The following LINGO2 variants were observed in gnomAD, a reference collection of about 807,000 sequenced individuals.
The protein encoded by LINGO2 is leucine rich repeat and Ig domain containing 2.
In LINGO2, 14 loss-of-function variants were observed where a neutral mutation model predicts 30.6. That is an observed-to-expected ratio of 0.46 (90% confidence interval 0.30 to 0.72). The LOEUF is 0.72. Among genes scored for constraint, LINGO2 ranks in the 30% least tolerant of loss-of-function variants. The pLI is 0.07. For synonymous variants in LINGO2, 317 were observed against 288.5 expected (o/e 1.10, Z -1.00); for missense variants, 729 against 751.7 (o/e 0.97, Z 0.35).
intron 4 of LINGO2, among the ~76,000 whole-genome samples, chr9:28,067,231 CTTAA>C (rs1452048707): frequency 2.0e-5 from 3 of 152,088 alleles, no homozygotes; most frequent in South Asian, 2.1e-4. Context: ...TCCTGTGAAT[CTTAA>C]TTAAGAAGAC....
chr9:28,376,890 G>A (rs746935468), intron 2 of LINGO2, among the ~76,000 whole-genome samples: 6 of 152,080 alleles, frequency 3.9e-5, no homozygotes, highest in Non-Finnish European at 8.8e-5. Context: ...CAAATTTTCA[G>A]AACATTTTTG....
At chr9:28,514,566 G>A (rs1011722237) in intron 1 of LINGO2, among the ~76,000 whole-genome samples, 1 of 152,188 alleles carries the variant, frequency 6.6e-6, no homozygotes, top group South Asian at 2.1e-4. Context: ...CTAATCTAGA[G>A]CAAGGCCCTA....
chr9:28,013,434 A>G (rs560165077), intron 4 of LINGO2, among the ~76,000 whole-genome samples: 7 of 152,310 alleles, frequency 4.6e-5, no homozygotes, highest in Non-Finnish European at 1.0e-4. Context: ...TTGATGTTAA[A>G]CTAGTGTGGT....
At chr9:28,228,930 A>T (rs1386935820) in intron 4 of LINGO2, among the ~76,000 whole-genome samples, 1 of 151,864 alleles carries the variant, frequency 6.6e-6, no homozygotes, top group Non-Finnish European at 1.5e-5. Flanking sequence ...ATAGAAATTA[A>T]AATTTTTCTT....
the LINGO2 span, among the ~76,000 whole-genome samples, chr9:28,821,184 C>T: frequency 6.6e-6 from 1 of 152,186 alleles, no homozygotes; most frequent in South Asian, 2.1e-4. Flanking sequence ...GAGCATCACA[C>T]AGGGTGCACT....
chr9:28,836,318 C>T, the LINGO2 span, among the ~76,000 whole-genome samples: 4 of 151,456 alleles, frequency 2.6e-5, no homozygotes, highest in African/African-American at 9.7e-5. Context: ...ATTATCCTAA[C>T]TATATATATA....
chr9:29,032,688 T>C, the LINGO2 span, among the ~76,000 whole-genome samples: 1 of 152,126 alleles, frequency 6.6e-6, no homozygotes, highest in Non-Finnish European at 1.5e-5. Context: ...TGCCAAAGCC[T>C]GTAGACCAAA....
chr9:28,466,540 A>C (rs1320041766), intron 2 of LINGO2, among the ~76,000 whole-genome samples: 2 of 152,210 alleles, frequency 1.3e-5, no homozygotes, highest in Non-Finnish European at 2.9e-5. Context: ...ATAGCACATC[A>C]GTGTCACTAT....
intron 4 of LINGO2, among the ~76,000 whole-genome samples, chr9:28,290,991 C>A (rs1396847011): frequency 6.6e-6 from 1 of 152,118 alleles, no homozygotes; most frequent in Non-Finnish European, 1.5e-5. Flanking sequence ...GCTCCCTTGC[C>A]TCTTGTGAGG....
At chr9:28,328,332 AGTCCAATGT>A (rs1825302514) in intron 3 of LINGO2, among the ~76,000 whole-genome samples, 2 of 152,228 alleles carry the variant, frequency 1.3e-5, no homozygotes, top group South Asian at 4.1e-4. Flanking sequence ...CATTATGGAA[AGTCCAATGT>A]GTTGTGATAA....
the LINGO2 span, among the ~76,000 whole-genome samples, chr9:28,816,245 T>G: frequency 6.6e-6 from 1 of 152,146 alleles, no homozygotes; most frequent in Non-Finnish European, 1.5e-5. Flanking sequence ...CACATGAACT[T>G]TGGGGGACAC....
the LINGO2 span, among the ~76,000 whole-genome samples, chr9:28,832,515 C>G: frequency 6.6e-6 from 1 of 152,164 alleles, no homozygotes; most frequent in East Asian, 1.9e-4. Context: ...TCTCCAGAAC[C>G]ACAGAACTTC....
At chr9:29,189,768 G>C in the LINGO2 span, among the ~76,000 whole-genome samples, 1 of 152,118 alleles carries the variant, frequency 6.6e-6, no homozygotes, top group Non-Finnish European at 1.5e-5. Context: ...CCGGCACCTC[G>C]GGAGGCCGAG....
the LINGO2 span, among the ~76,000 whole-genome samples, chr9:28,847,994 T>G: frequency 9.3e-6 from 1 of 107,544 alleles, no homozygotes; most frequent in South Asian, 2.8e-4. Flanking sequence ...TATATGTATA[T>G]GTACATATAT....
intron 1 of LINGO2, among the ~76,000 whole-genome samples, chr9:28,635,800 A>G (rs1414671327): frequency 6.6e-6 from 1 of 152,114 alleles, no homozygotes; most frequent in African/African-American, 2.4e-5. Flanking sequence ...TTTAAAAAAG[A>G]GTTCAGAGGT....
chr9:28,441,250 G>GTTT (rs1824181103), intron 2 of LINGO2, among the ~76,000 whole-genome samples: 1 of 50,636 alleles, frequency 2.0e-5, no homozygotes, highest in Non-Finnish European at 3.6e-5. Flanking sequence ...TTCATTGGAG[G>GTTT]CTTTTTTTTT....
intron 1 of LINGO2, among the ~76,000 whole-genome samples, chr9:28,508,560 C>CT (rs981483537): frequency 6.6e-6 from 1 of 151,736 alleles, no homozygotes. Flanking sequence ...GATTTTCCTA[C>CT]TTTTTTCACT....
At chr9:28,706,052 A>C in the LINGO2 span, among the ~76,000 whole-genome samples, 1 of 152,112 alleles carries the variant, frequency 6.6e-6, no homozygotes, top group African/African-American at 2.4e-5. Flanking sequence ...AATAATTTCT[A>C]AACTGAGGGC....
intron 4 of LINGO2, among the ~76,000 whole-genome samples, chr9:28,075,423 T>C (rs1825594848): frequency 6.6e-6 from 1 of 151,970 alleles, no homozygotes; most frequent in Admixed American, 6.6e-5. Flanking sequence ...TATTCTGTTG[T>C]ATATGTGAAG....
Sources: gnomAD v4.1 joint callset for allele counts (sites outside exome capture counted in the v4.1 genomes callset) on GRCh38, gnomAD v4.1.1 for gene constraint, MANE v1.5 for transcripts, NCBI Gene and HGNC (gene_info 2026-07-23, HGNC 2026-07-21) for gene names.